XRCC4: variants seen among roughly 807,000 people sequenced by gnomAD.
XRCC4 encodes DNA repair protein XRCC4.
XRCC4 carries 28 observed loss-of-function variants against 39.1 expected under a neutral mutation model. The observed-to-expected ratio is 0.72, with a 90% CI of 0.53 to 0.98. XRCC4 has a LOEUF of 0.98. Among genes scored for constraint, XRCC4 ranks in the 50% least tolerant of loss-of-function variants. The pLI is 0.00. For missense variants in XRCC4, 350 were observed against 376.4 expected, an observed-to-expected ratio of 0.93 and a Z score of 0.58; for synonymous variants, 123 against 126.4, an observed-to-expected ratio of 0.97 and a Z score of 0.18.
intron 3 of XRCC4, among the ~76,000 whole-genome samples, chr5:83,186,617 C>T (rs1013770599): frequency 3.9e-5 from 6 of 152,138 alleles, no homozygotes; most frequent in Admixed American, 6.5e-5. Flanking sequence ...GTAATATTCA[C>T]AGGTTCTGGA....
rs374386395 is a variant in XRCC4, at chr5:83,187,208, G to T, written c.316-8562G>T. Among the ~76,000 whole-genome samples the T allele has an allele frequency of 8.7e-5, 13 of 148,750 alleles. 4 individuals carry two copies. The South Asian group carries it at 1.6e-3, about 18-fold the overall frequency. ...TCCGCCCGCCTCTGCCTCCCAAAGTGCTGGGATTACAGGCGTGAGCCACCG... is the reference window on the plus strand; with the variant it reads ...TCCGCCCGCCTCTGCCTCCCAAAGTTCTGGGATTACAGGCGTGAGCCACCG... On this transcript the variant is annotated intron_variant, in intron 3 of 7. Coordinates refer to ENST00000396027, the MANE Select transcript of XRCC4 (RefSeq NM_003401.5).
chr5:83,247,571 C>T (rs1328420757), intron 6 of XRCC4, among the ~76,000 whole-genome samples: 1 of 152,142 alleles, frequency 6.6e-6, no homozygotes, highest in Non-Finnish European at 1.5e-5. Context: ...AAGGAAGCAT[C>T]AGAGGAACTG....
At chr5:83,371,870 C>T in the XRCC4 span, among the ~76,000 whole-genome samples, 1 of 152,160 alleles carries the variant, frequency 6.6e-6, no homozygotes, top group Non-Finnish European at 1.5e-5. Context: ...AAAAGGAAAA[C>T]ACAATTGGGC....
chr5:83,093,163 T>C (rs191895478), intron 1 of XRCC4, among the ~76,000 whole-genome samples: 2 of 152,082 alleles, frequency 1.3e-5, no homozygotes, highest in African/African-American at 4.8e-5. Flanking sequence ...TCAGCAGAAG[T>C]AGCAATACTT....
chr5:83,125,853 CAT>C (rs1432829431), intron 3 of XRCC4, among the ~76,000 whole-genome samples: 8 of 152,178 alleles, frequency 5.3e-5, no homozygotes, highest in Admixed American at 5.2e-4. Context: ...TGTGGTGGCG[CAT>C]TCCTGTAATC....
chr5:83,146,723 GAC>G (rs1369513394), intron 3 of XRCC4, among the ~76,000 whole-genome samples: 1 of 152,122 alleles, frequency 6.6e-6, no homozygotes, highest in African/African-American at 2.4e-5. Flanking sequence ...ACTAAAAAGT[GAC>G]ACACCCACAA....
At chr5:83,364,676 G>A in the XRCC4 span, among the ~76,000 whole-genome samples, 2 of 152,192 alleles carry the variant, frequency 1.3e-5, no homozygotes, top group African/African-American at 2.4e-5. Flanking sequence ...GTCCTATGAA[G>A]AGGACACCTA....
chr5:83,101,469 C>T (rs892693834), intron 1 of XRCC4, among the ~76,000 whole-genome samples: 11 of 151,996 alleles, frequency 7.2e-5, no homozygotes, highest in African/African-American at 2.7e-4. Context: ...GAAAAAGAAC[C>T]TATCATTGTT....
intron 7 of XRCC4, among the ~76,000 whole-genome samples, chr5:83,309,626 T>G (rs1279714997): frequency 1.3e-5 from 2 of 150,498 alleles, no homozygotes; most frequent in East Asian, 4.0e-4. Context: ...TAGCCAGATG[T>G]GGTGGCGGGC....
intron 3 of XRCC4, among the ~76,000 whole-genome samples, chr5:83,191,052 G>A (rs1023648009): frequency 1.3e-5 from 2 of 152,014 alleles, no homozygotes; most frequent in African/African-American, 4.8e-5. Flanking sequence ...ACATAGTATG[G>A]GCCAGAGCTT....
chr5:83,344,105 A>T (rs1024447522), intron 7 of XRCC4, among the ~76,000 whole-genome samples: 3 of 147,270 alleles, frequency 2.0e-5, no homozygotes, highest in Admixed American at 1.4e-4. Flanking sequence ...ATGTATGTAC[A>T]TACACAGATA....
At chr5:83,161,351 T>C (rs2126990) in intron 3 of XRCC4, among the ~76,000 whole-genome samples, 75,421 of 151,734 alleles carry the variant, frequency 0.5, 19,925 homozygotes, top group African/African-American at 0.68. Context: ...AGGCTGTTCG[T>C]GAACTCCTGA....
intron 3 of XRCC4, among the ~76,000 whole-genome samples, chr5:83,154,545 C>T (rs1561367408): frequency 6.6e-6 from 1 of 152,154 alleles, no homozygotes. Flanking sequence ...CATGGAATAT[C>T]TTAAGGAACT....
At chr5:83,121,548 A>G (rs1390928929) in intron 3 of XRCC4, among the ~76,000 whole-genome samples, 1 of 152,058 alleles carries the variant, frequency 6.6e-6, no homozygotes, top group Non-Finnish European at 1.5e-5. Flanking sequence ...CCATCTATAT[A>G]TCTTCTATAG....
chr5:83,164,612 T>C (rs1196531430), intron 3 of XRCC4, among the ~76,000 whole-genome samples: 1 of 152,160 alleles, frequency 6.6e-6, no homozygotes, highest in Non-Finnish European at 1.5e-5. Context: ...TGTGAGGTAA[T>C]TGATATGTTA....
chr5:83,151,917 A>G (rs1748721813), intron 3 of XRCC4, among the ~76,000 whole-genome samples: 1 of 152,234 alleles, frequency 6.6e-6, no homozygotes, highest in South Asian at 2.1e-4. Flanking sequence ...AATGTTTTCT[A>G]CATGCATTGC....
At chr5:83,216,238 A>T (rs1473786221) in intron 6 of XRCC4, among the ~76,000 whole-genome samples, 2 of 152,194 alleles carry the variant, frequency 1.3e-5, no homozygotes, top group African/African-American at 2.4e-5. Context: ...TAATCATTAG[A>T]TAATACAAAT....
chr5:83,362,574 G>C, the XRCC4 span, among the ~76,000 whole-genome samples: 1 of 152,034 alleles, frequency 6.6e-6, no homozygotes, highest in Non-Finnish European at 1.5e-5. Flanking sequence ...GAAGAAAAAA[G>C]TATATAATAA....
rs746910743 is a variant in XRCC4 at position 83,353,283 on chromosome 5, T to C, written c.*41T>C. 5 of 1,411,108 alleles carry C rather than the reference T, an allele frequency of 3.5e-6. No homozygotes were observed. In the South Asian group the frequency reaches 6.5e-5, roughly 18 times the overall value. The allele number at this position is 1,411,108 out of a possible 1,614,324, so 87.4% of individuals were successfully genotyped here. A position where few individuals can be genotyped will look rare whatever the true frequency, so the allele number is the denominator to read the frequency against. ...CTTTGATGTTCACTAGACTATGTTT[T>C]CTATTCATTTCTTTAAAATGAAAAA... On this transcript the variant is annotated 3_prime_UTR_variant, in exon 8 of 8. Transcript: ENST00000396027.
Sources: allele counts gnomAD v4.1 joint callset (sites outside exome capture counted in the v4.1 genomes callset), GRCh38; gene constraint gnomAD v4.1.1; transcripts MANE v1.5; gene names NCBI Gene and HGNC (gene_info 2026-07-23, HGNC 2026-07-21).